VAT1L: variants seen among roughly 807,000 people sequenced by gnomAD.
VAT1L encodes the protein vesicle amine transport 1 like, also known as putative NADPH-dependent quinone oxidoreductase VAT1L.
A neutral mutation model predicts 44.1 loss-of-function variants in VAT1L; 34 were observed. That is an observed-to-expected ratio of 0.77 (90% CI 0.59 to 1.03). VAT1L has a LOEUF of 1.03. Among genes scored for constraint, VAT1L ranks in the 50% least tolerant of loss-of-function variants. VAT1L has a pLI of 0.00. For missense variants in VAT1L, 615 were observed against 538.8 expected (o/e 1.14, Z -1.40); for synonymous variants, 253 against 202.2 (o/e 1.25, Z -2.13).
intron 7 of VAT1L, among the ~76,000 whole-genome samples, chr16:77,924,372 A>G (rs895118234): frequency 8.6e-5 from 13 of 152,036 alleles, no homozygotes; most frequent in Non-Finnish European, 2.9e-5. Flanking sequence ...TTTAAGCTTT[A>G]GTGTATGAGA....
intron 1 of VAT1L, among the ~76,000 whole-genome samples, chr16:77,799,330 C>G (rs1446477540): frequency 6.7e-6 from 1 of 148,622 alleles, no homozygotes; most frequent in Non-Finnish European, 1.5e-5. Context: ...TTCCCCTTTT[C>G]TCCCTCCCAC....
At chr16:77,794,685 G>T (rs772647681) in intron 1 of VAT1L, among the ~76,000 whole-genome samples, 40 of 152,120 alleles carry the variant, frequency 2.6e-4, no homozygotes, top group Non-Finnish European at 3.8e-4. Context: ...TTGCTCAGAG[G>T]GTTTCTAATG....
chr16:77,802,876 C>G (rs559528021), intron 1 of VAT1L, among the ~76,000 whole-genome samples: 5 of 151,882 alleles, frequency 3.3e-5, no homozygotes, highest in South Asian at 2.1e-4. Flanking sequence ...TAAATCCTTG[C>G]TTTTTTTTGA....
intron 7 of VAT1L, among the ~76,000 whole-genome samples, chr16:77,908,786 C>T (rs927849613): frequency 6.6e-6 from 1 of 151,714 alleles, no homozygotes; most frequent in African/African-American, 2.4e-5. Flanking sequence ...TGGTGGCAGG[C>T]ACCTGCAGTC....
chr16:77,822,859 C>T (rs1047891958), intron 2 of VAT1L, among the ~76,000 whole-genome samples: 11 of 152,128 alleles, frequency 7.2e-5, no homozygotes, highest in African/African-American at 2.7e-4. Flanking sequence ...TTCTGTGGTT[C>T]AGGTGTCTTT....
At chr16:77,964,310 G>C (rs187088039) in intron 7 of VAT1L, among the ~76,000 whole-genome samples, 207 of 152,252 alleles carry the variant, frequency 1.4e-3, no homozygotes, top group African/African-American at 4.4e-3. Flanking sequence ...AGTTCTGAAA[G>C]CCCAAAAATC....
At chr16:77,883,523 A>T (rs74405269) in intron 6 of VAT1L, among the ~76,000 whole-genome samples, 9,449 of 152,216 alleles carry the variant, frequency 0.062, 426 homozygotes, top group Non-Finnish European at 0.095. Context: ...GTTGTGGATT[A>T]TTCTTTGCTG....
rs533205521 is a variant in VAT1L at position 77,815,712 on chromosome 16, T to C, written c.234-1209T>C. On this transcript the variant is annotated intron_variant, in intron 1 of 8. Transcript: ENST00000302536. ...GGCTGGGCACAGTGGCTCATGCCTG[T>C]AATCCCAGCAATTTGGGAGACCAAG... Among the ~76,000 whole-genome samples, 18 of 152,074 alleles carry C rather than the reference T, an allele frequency of 1.2e-4. No individual in the cohort carries two copies. The South Asian group carries it at 3.3e-3, about 28-fold the overall frequency.
In VAT1L at chr16:77,836,229, T is replaced by G. The variant is rs113409638; in HGVS notation, c.579+10768T>G. 3.0e-3 allele frequency among the ~76,000 whole-genome samples: 462 copies of G among 152,180 alleles called. 3 individuals carry two copies. Among genetic ancestry groups the G allele is most frequent in the African/African-American group, 0.011 (450 of 41,514 alleles). On this transcript the variant is annotated intron_variant, in intron 3 of 8. Transcript: ENST00000302536. ...AGAGAGCTAGGGACCCCCGATTCAG[T>G]GCTCTTGACACTATACCACACAGTG...
At chr16:77,850,475 CTTAATA>C (rs1293229956) in intron 3 of VAT1L, among the ~76,000 whole-genome samples, 1 of 152,094 alleles carries the variant, frequency 6.6e-6, no homozygotes, top group Non-Finnish European at 1.5e-5. Context: ...TTTTCCTTGA[CTTAATA>C]TTAGGATGAC....
At chr16:77,834,390 C>T (rs9932001) in intron 3 of VAT1L, among the ~76,000 whole-genome samples, 2,826 of 152,292 alleles carry the variant, frequency 0.019, 86 homozygotes, top group African/African-American at 0.065. Context: ...ATCCTCCCTG[C>T]CCCCTGCCCT....
intron 1 of VAT1L, among the ~76,000 whole-genome samples, chr16:77,806,503 C>A (rs1034577306): frequency 3.3e-5 from 5 of 150,148 alleles, no homozygotes; most frequent in African/African-American, 4.9e-5. Context: ...GCCACCACGC[C>A]CGGCCAAGTT....
intron 7 of VAT1L, among the ~76,000 whole-genome samples, chr16:77,895,100 C>CACACACACACACACA (rs2017308314): frequency 2.5e-4 from 37 of 145,254 alleles, no homozygotes; most frequent in African/African-American, 9.1e-4. Flanking sequence ...AGCCACTTGC[C>CACACACACACACACA]CACACACACA....
intron 3 of VAT1L, among the ~76,000 whole-genome samples, chr16:77,831,502 T>C (rs1424588731): frequency 6.6e-6 from 1 of 152,218 alleles, no homozygotes; most frequent in Admixed American, 6.5e-5. Context: ...TTTACCTTTC[T>C]GATATTCTTT....
intron 3 of VAT1L, among the ~76,000 whole-genome samples, chr16:77,837,674 G>T (rs1035592099): frequency 1.3e-5 from 2 of 152,200 alleles, no homozygotes; most frequent in African/African-American, 4.8e-5. Context: ...AGTCAGAGCT[G>T]GTTTTCATGC....
chr16:77,942,847 C>A (rs544277651), intron 7 of VAT1L, among the ~76,000 whole-genome samples: 1 of 151,908 alleles, frequency 6.6e-6, no homozygotes, highest in Non-Finnish European at 1.5e-5. Context: ...CGGGTTCAAG[C>A]GATTATCTCA....
intron 7 of VAT1L, among the ~76,000 whole-genome samples, chr16:77,930,316 T>C (rs62042218): frequency 0.14 from 21,556 of 152,212 alleles, 2,007 homozygotes; most frequent in Non-Finnish European, 0.19. Flanking sequence ...GTATCATTAC[T>C]GATGTTCTTT....
chr16:77,901,496 T>G (rs1356394016), intron 7 of VAT1L, among the ~76,000 whole-genome samples: 1 of 152,168 alleles, frequency 6.6e-6, no homozygotes, highest in African/African-American at 2.4e-5. Flanking sequence ...ATTTAATGCA[T>G]TTTTTGCTGC....
At chr16:77,804,435 T>C (rs1215960349) in intron 1 of VAT1L, among the ~76,000 whole-genome samples, 2 of 152,156 alleles carry the variant, frequency 1.3e-5, no homozygotes, top group African/African-American at 4.8e-5. Flanking sequence ...TCTCAATATG[T>C]CTCCTGGCTG....
Sources: allele counts gnomAD v4.1 joint callset (sites outside exome capture counted in the v4.1 genomes callset), GRCh38; gene constraint gnomAD v4.1.1; transcripts MANE v1.5; gene names NCBI Gene and HGNC (gene_info 2026-07-23, HGNC 2026-07-21).